The following DELE1 variants were observed in gnomAD, a reference collection of about 807,000 sequenced individuals.
DELE1 encodes the protein death ligand signal enhancer.
A neutral mutation model predicts 59.3 loss-of-function variants in DELE1; 54 were observed. The ratio of observed to expected loss-of-function variants is 0.91; its 90% CI spans 0.73 to 1.14. The LOEUF is 1.14. Ranked by LOEUF, DELE1 falls within the 50% of genes most tolerant of loss-of-function variation. DELE1 has a pLI of 0.00. For synonymous variants in DELE1, 264 were observed against 259.1 expected (o/e 1.02, Z -0.18); for missense variants, 636 against 643.9 (o/e 0.99, Z 0.13).
chr5:141,927,281 A>G (rs1751499714), intron 3 of DELE1, among the ~76,000 whole-genome samples: 1 of 152,008 alleles, frequency 6.6e-6, no homozygotes, highest in South Asian at 2.1e-4. Context: ...GCTCACTGCA[A>G]CCTCTGCCTC....
intron 3 of DELE1, 78 bp downstream of exon 3, chr5:141,925,605 A>G: frequency 1.2e-6 from 1 of 806,262 alleles, no homozygotes; most frequent in Non-Finnish European, 1.9e-6. Flanking sequence ...CCGAACCTGG[A>G]ACAAGGGCTA....
rs200841874 is a variant in DELE1 at position 141,933,325 on chromosome 5, G to C, written c.821G>C (p.Arg274Pro). 2 of 1,568,376 alleles carry C rather than the reference G, an allele frequency of 1.3e-6. No individual in the cohort carries two copies. The highest frequency in any genetic ancestry group is 4.6e-5 in the East Asian group (2 of 43,620). ...AFSYFQKAAARGYSKAQYNAG... is the reference protein window; with the variant it reads ...AFSYFQKAAAPGYSKAQYNAG... Reference sequence around the variant, plus strand: ...TCTTACTTCCAGAAAGCTGCAGCCCGCGGCTACAGCAAAGCGCAGTACAAT... The same window carrying C: ...TCTTACTTCCAGAAAGCTGCAGCCCCCGGCTACAGCAAAGCGCAGTACAAT... The change falls in exon 8 of 12, where the codon CGC becomes CCC. Residue 274 changes from arginine (R) to proline (P), a missense_variant. Arg to Pro is a moderately radical substitution (Grantham distance 103). Coordinates refer to ENST00000432126, the MANE Select transcript of DELE1 (RefSeq NM_014773.5).
intron 10 of DELE1, chr5:141,936,731 G>A (rs751195446): frequency 1.1e-5 from 4 of 367,276 alleles, no homozygotes; most frequent in African/African-American, 4.5e-5. Flanking sequence ...CCGCGCCCAG[G>A]CCAAGCATAG....
rs1247201143 is a variant in DELE1, at chr5:141,939,840, A to G, written c.*1081A>G. On this transcript the variant is annotated 3_prime_UTR_variant, in exon 12 of 12. Coordinates refer to ENST00000432126, the MANE Select transcript of DELE1 (RefSeq NM_014773.5). ...TACCTTAGAAGACAAATGCAAGGGC[A>G]TTTCACCACAGAGAGGACCTTTGTG... 1 of 565,876 alleles carries G rather than the reference A, an allele frequency of 1.8e-6. No individual in the cohort carries two copies. The highest frequency in any genetic ancestry group is 2.2e-6 in the Non-Finnish European group (1 of 446,858). The allele number at this position is 565,876 out of a possible 1,614,324, so 35.1% of individuals were successfully genotyped here. A position where few individuals can be genotyped will look rare whatever the true frequency, so the allele number is the denominator to read the frequency against.
At chr5:141,935,148 G>A (rs888442632) in intron 10 of DELE1, among the ~76,000 whole-genome samples, 1 of 152,168 alleles carries the variant, frequency 6.6e-6, no homozygotes, top group Non-Finnish European at 1.5e-5. Context: ...CAGTAAACAG[G>A]GAACACTGCT....
intron 2 of DELE1, 40 bp downstream of exon 2, chr5:141,924,735 T>A: frequency 7.9e-7 from 1 of 1,261,298 alleles, no homozygotes; most frequent in Non-Finnish European, 1.1e-6. Flanking sequence ...CCTCCCCTAG[T>A]CACCCTTTTT....
At position 141,940,485 on chromosome 5, in the gene DELE1, C is replaced by T; in HGVS notation, c.*1726C>T. 1 of 985,424 alleles carries T rather than the reference C, an allele frequency of 1.0e-6. No individual in the cohort carries two copies. The allele number at this position is 985,424 out of a possible 1,614,324, so 61.0% of individuals were successfully genotyped here. On this transcript the variant is annotated 3_prime_UTR_variant, in exon 12 of 12. Coordinates refer to ENST00000432126, the MANE Select transcript of DELE1 (RefSeq NM_014773.5). ...CTGAGTGGAGACCAACCAGCCTGGCCAATTCAAAGGCAAGAAGATTTGAGG... is the reference window on the plus strand; with the variant it reads ...CTGAGTGGAGACCAACCAGCCTGGCTAATTCAAAGGCAAGAAGATTTGAGG...
intron 10 of DELE1, among the ~76,000 whole-genome samples, chr5:141,936,425 T>TTTTTG (rs1281115940): frequency 3.9e-5 from 6 of 151,980 alleles, no homozygotes; most frequent in Non-Finnish European, 5.9e-5. Context: ...AGCATAGCGT[T>TTTTTG]TTTTGTTTTG....
chr5:141,938,766 A>G lies in DELE1; in HGVS notation c.*7A>G. 1 of 1,606,748 alleles carries G rather than the reference A, an allele frequency of 6.2e-7. No homozygotes were observed. The highest frequency in any genetic ancestry group is 8.5e-7 in the Non-Finnish European group (1 of 1,175,596). On this transcript the variant is annotated 3_prime_UTR_variant, in exon 12 of 12. Coordinates refer to ENST00000432126, the MANE Select transcript of DELE1 (RefSeq NM_014773.5). ...AAGACTAGGTTTTGGCTAAGGTGAG[A>G]TAAAACATAGTCCCTGGTGCCTCTT...
chr5:141,935,242 A>G (rs2126891877), intron 10 of DELE1, among the ~76,000 whole-genome samples: 1 of 152,322 alleles, frequency 6.6e-6, no homozygotes, highest in African/African-American at 2.4e-5. Flanking sequence ...TCCATGAAGC[A>G]TTAGTTCTCT....
chr5:141,931,007 G>T (rs960905106), intron 7 of DELE1, among the ~76,000 whole-genome samples: 16 of 152,150 alleles, frequency 1.1e-4, no homozygotes, highest in Non-Finnish European at 1.5e-5. Flanking sequence ...CTTATTCTCA[G>T]GGAGCAGAAA....
intron 4 of DELE1, among the ~76,000 whole-genome samples, chr5:141,928,825 C>T (rs577891245): frequency 6.7e-6 from 1 of 149,396 alleles, no homozygotes; most frequent in African/African-American, 2.6e-5. Flanking sequence ...AAACCCACCC[C>T]ATAGGTTTCT....
At chr5:141,928,081 T>G in intron 3 of DELE1, 70 bp from the exon 4 acceptor site, 1,804 of 1,494,632 alleles carry the variant, frequency 1.2e-3, no homozygotes, top group Non-Finnish European at 1.5e-3. Flanking sequence ...AAGTGATGTT[T>G]GAGAATAAGG....
intron 10 of DELE1, chr5:141,934,919 G>A (rs1359330739): frequency 3.3e-6 from 1 of 303,956 alleles, no homozygotes; most frequent in African/African-American, 2.2e-5. Flanking sequence ...ACACTACTGG[G>A]CCTGGTCACT....
In DELE1 at chr5:141,929,578, C is replaced by G; in HGVS notation, c.413-4C>G. On this transcript the variant is annotated splice_region_variant and splice_polypyrimidine_tract_variant and intron_variant, in intron 4 of 11. Transcript: ENST00000432126. ...ACCTGACTACTCTTGCTGGCTCTTT[C>G]CAGCACTGCGACAACACATCCTCCC... The G allele has an allele frequency of 6.2e-7, 1 of 1,613,078 alleles. No individual in the cohort carries two copies. Among genetic ancestry groups the G allele is most frequent in the Non-Finnish European group, 8.5e-7 (1 of 1,179,832 alleles).
In DELE1 at chr5:141,933,506, A is replaced by G. The variant is rs1404451200; in HGVS notation, c.897+105A>G. 4 of 861,976 alleles carry G rather than the reference A, an allele frequency of 4.6e-6. No individual in the cohort carries two copies. The East Asian group carries it at 1.2e-4, about 27-fold the overall frequency. The allele number at this position is 861,976 out of a possible 1,614,324, so 53.4% of individuals were successfully genotyped here. ...GGGGAAAGTTTGGCTTCTTTTCTCC[A>G]CTTGGTTCTAGCCCAGCTGCGAAGG... On this transcript the variant is annotated intron_variant, in intron 8 of 11. Transcript: ENST00000432126.
intron 3 of DELE1, among the ~76,000 whole-genome samples, chr5:141,925,855 TTTA>T (rs1330315224): frequency 3.3e-5 from 5 of 152,176 alleles, no homozygotes; most frequent in Non-Finnish European, 7.3e-5. Flanking sequence ...GCATCTTTTT[TTTA>T]TTATTCATTT....
At chr5:141,926,266 A>G (rs1189418210) in intron 3 of DELE1, among the ~76,000 whole-genome samples, 1 of 152,144 alleles carries the variant, frequency 6.6e-6, no homozygotes, top group Non-Finnish European at 1.5e-5. Context: ...TATCACCTTC[A>G]TTTTACAGCT....
chr5:141,925,376 C>T, intron 2 of DELE1, 34 bp from the exon 3 acceptor site: 6 of 1,447,138 alleles, frequency 4.1e-6, no homozygotes, highest in Non-Finnish European at 5.6e-6. Context: ...TCTCCCTTTG[C>T]CCCTACTTGA....
Sources: allele counts gnomAD v4.1 joint callset (sites outside exome capture counted in the v4.1 genomes callset), GRCh38; gene constraint gnomAD v4.1.1; transcripts MANE v1.5; gene names NCBI Gene and HGNC (gene_info 2026-07-23, HGNC 2026-07-21).